The following SH3BP4 variants were observed in gnomAD, a reference collection of about 807,000 sequenced individuals.
SH3BP4 encodes SH3 domain binding protein 4.
A neutral mutation model predicts 65.5 loss-of-function variants in SH3BP4; 33 were observed. That is an observed-to-expected ratio of 0.50 (90% CI 0.38 to 0.67). SH3BP4 has a LOEUF of 0.67. Among genes scored for constraint, SH3BP4 ranks in the 30% least tolerant of loss-of-function variants. The pLI, the probability that SH3BP4 is intolerant of heterozygous loss-of-function variation, is 0.00. For synonymous variants in SH3BP4, 552 were observed against 545.5 expected (o/e 1.01, Z -0.17); for missense variants, 1,134 against 1,261.4 (o/e 0.90, Z 1.53).
At chr2:235,000,556 C>G (rs4663535) in intron 2 of SH3BP4, among the ~76,000 whole-genome samples, 82,772 of 151,984 alleles carry the variant, frequency 0.54, 25,515 homozygotes, top group African/African-American at 0.83. Context: ...GGATCTTGGG[C>G]TCGGGCTCTG....
intron 2 of SH3BP4, among the ~76,000 whole-genome samples, chr2:235,021,093 T>A (rs968595621): frequency 6.6e-6 from 1 of 152,172 alleles, no homozygotes; most frequent in African/African-American, 2.4e-5. Flanking sequence ...CCCACAAAGC[T>A]TAATTTACTC....
At chr2:234,972,891 A>AAG (rs1338278274) in intron 1 of SH3BP4, among the ~76,000 whole-genome samples, 1 of 152,118 alleles carries the variant, frequency 6.6e-6, no homozygotes, top group East Asian at 1.9e-4. Context: ...AGCCACCTTT[A>AAG]CCTTTGCAGA....
chr2:235,022,046 A>G (rs1694859270), intron 2 of SH3BP4, among the ~76,000 whole-genome samples: 1 of 152,204 alleles, frequency 6.6e-6, no homozygotes, highest in Non-Finnish European at 1.5e-5. Flanking sequence ...TGTTTATTGA[A>G]TTTGTCATCA....
At position 235,041,869 on chromosome 2, in the gene SH3BP4, A is replaced by G. The variant is rs1193931170; in HGVS notation, c.1100A>G (p.Asn367Ser). Residue 367 changes from asparagine to serine, a missense_variant, in exon 4 of 6, where the codon AAC becomes AGC. Asn to Ser is a conservative substitution (Grantham distance 46). Coordinates refer to ENST00000392011, the MANE Select transcript of SH3BP4 (RefSeq NM_014521.3). This position sits in a 1 kb window ranked among gnomAD's most constrained non-coding sequence, Gnocchi z 6.0. ...CTGCTGGACCCCCCGCTGGAGCTCA[A>G]CAGTGACAGGTCCTGCAGCATCAGC... ...KALLDPPLEL[N>S]SDRSCSISPV... 6.2e-7 allele frequency: 1 copy of G among 1,611,322 alleles called. No individual in the cohort carries two copies. Among genetic ancestry groups the G allele is most frequent in the African/African-American group, 1.3e-5 (1 of 74,988 alleles).
Position 235,034,265 on chromosome 2 carries a change from A to T in SH3BP4, c.-132-606A>T, listed in dbSNP as rs1387841052. 6.6e-6 allele frequency among the ~76,000 whole-genome samples: 1 copy of T among 152,192 alleles called. No individual in the cohort carries two copies. The highest frequency in any genetic ancestry group is 1.5e-5 in the Non-Finnish European group (1 of 68,026). ...GGTTCAGTAAATATGCCCTGGTTTCATCTGCATACGTTGCATTGAGAATAC... is the reference window on the plus strand; with the variant it reads ...GGTTCAGTAAATATGCCCTGGTTTCTTCTGCATACGTTGCATTGAGAATAC... On this transcript the variant is annotated intron_variant, in intron 2 of 5. Coordinates refer to ENST00000392011, the MANE Select transcript of SH3BP4 (RefSeq NM_014521.3). The surrounding 1 kb of genome is among the most constrained non-coding windows in gnomAD (Gnocchi z 6.2).
chr2:235,005,102 C>G (rs1014124216), intron 2 of SH3BP4, among the ~76,000 whole-genome samples: 5 of 152,232 alleles, frequency 3.3e-5, no homozygotes, highest in South Asian at 2.1e-4. Flanking sequence ...CGAGGAAGCA[C>G]TGCTTGTGGA....
At position 235,054,910 on chromosome 2, in the gene SH3BP4, C is replaced by T. The variant is rs1177538131; in HGVS notation, c.*1094C>T. 1 of 152,222 alleles carries T rather than the reference C, an allele frequency of 6.6e-6. No homozygotes were observed. Among genetic ancestry groups the T allele is most frequent in the African/African-American group, 2.4e-5 (1 of 41,470 alleles). 9.4% of individuals were successfully genotyped at this position (152,222 alleles called of 1,614,324 possible). ...TTTCATCTAAGGCTTAACCCCTCTT[C>T]CTTCCTGGTGTACCTGTGTCTCCTC... is the stretch of plus-strand genomic sequence containing the variant. On this transcript the variant is annotated 3_prime_UTR_variant, in exon 6 of 6. Coordinates refer to ENST00000392011, the MANE Select transcript of SH3BP4 (RefSeq NM_014521.3).
At chr2:235,049,437 C>T (rs949334533) in intron 4 of SH3BP4, among the ~76,000 whole-genome samples, 7 of 152,146 alleles carry the variant, frequency 4.6e-5, no homozygotes, top group South Asian at 2.1e-4. Flanking sequence ...TGAGTAGCCA[C>T]GAAAGAGCTG....
At chr2:234,980,574 T>G (rs1349710624) in intron 1 of SH3BP4, among the ~76,000 whole-genome samples, 1 of 152,190 alleles carries the variant, frequency 6.6e-6, no homozygotes, top group Non-Finnish European at 1.5e-5. Context: ...ACACTTGCTG[T>G]GAAGGTCTTT....
rs988567547 is a variant in SH3BP4 at position 234,997,203 on chromosome 2, A to G, written c.-133+1827A>G. Among the ~76,000 whole-genome samples, 2 of 152,156 alleles carry G rather than the reference A, an allele frequency of 1.3e-5. No individual in the cohort carries two copies. Among genetic ancestry groups the G allele is most frequent in the Non-Finnish European group, 2.9e-5 (2 of 68,020 alleles). ...TTAGAGACCATCCACAGGCCACCAC[A>G]CTTTAAGCTGATTTTCGTTTTGCCT... On this transcript the variant is annotated intron_variant, in intron 2 of 5. Transcript: ENST00000392011. This position sits in a 1 kb window ranked among gnomAD's most constrained non-coding sequence, Gnocchi z 4.2.
chr2:235,024,802 AT>A (rs901038252), intron 2 of SH3BP4, among the ~76,000 whole-genome samples: 1 of 151,794 alleles, frequency 6.6e-6, no homozygotes, highest in African/African-American at 2.4e-5. Context: ...ATAACAGTTG[AT>A]TTTTTTTTAA....
chr2:234,962,481 T>C (rs539836006), intron 1 of SH3BP4, among the ~76,000 whole-genome samples: 1 of 152,194 alleles, frequency 6.6e-6, no homozygotes, highest in Non-Finnish European at 1.5e-5. Context: ...CCTTTTCTGC[T>C]TATGTATTTT....
chr2:235,049,095 A>T (rs1695966146), intron 4 of SH3BP4, among the ~76,000 whole-genome samples: 2 of 152,116 alleles, frequency 1.3e-5, no homozygotes, highest in Non-Finnish European at 2.9e-5. Context: ...GGCTCAGTAA[A>T]AGTTGTGTAA....
Position 234,997,201 on chromosome 2 carries a change from A to G in SH3BP4, c.-133+1825A>G, listed in dbSNP as rs10929076. ...AGTTAGAGACCATCCACAGGCCACC[A>G]CACTTTAAGCTGATTTTCGTTTTGC... is the stretch of plus-strand genomic sequence containing the variant. On this transcript the variant is annotated intron_variant, in intron 2 of 5. Transcript: ENST00000392011. The surrounding 1 kb of genome is among the most constrained non-coding windows in gnomAD (Gnocchi z 4.2). 0.49 allele frequency among the ~76,000 whole-genome samples: 74,205 copies of G among 151,998 alleles called. 20,780 individuals carry two copies. Among genetic ancestry groups the G allele is most frequent in the East Asian group, 0.76 (3,907 of 5,130 alleles).
In SH3BP4 at chr2:234,993,196, G is replaced by A. The variant is rs561791014; in HGVS notation, c.-206-2107G>A. On this transcript the variant is annotated intron_variant, in intron 1 of 5. Transcript: ENST00000392011. ...GAGCCCCGGGGGTCGGTTTCTCGAAGCCCCCGTCAGAGCTGATGTTCGGGC... is the reference window on the plus strand; with the variant it reads ...GAGCCCCGGGGGTCGGTTTCTCGAAACCCCCGTCAGAGCTGATGTTCGGGC... Among the ~76,000 whole-genome samples, 6 of 152,308 alleles carry A rather than the reference G, an allele frequency of 3.9e-5. No individual in the cohort carries two copies. In the East Asian group the frequency reaches 1.2e-3, roughly 29 times the overall value.
rs1448863374 is a variant in SH3BP4, at chr2:235,041,826, C to G, written c.1057C>G (p.Gln353Glu). ...EGHVAPGETQ[Q>E]ISMKALLDPP... ...CCACGTCGCCCCTGGGGAGACCCAGCAGATCTCCATGAAAGCCCTGCTGGA... is the reference window on the plus strand; with the variant it reads ...CCACGTCGCCCCTGGGGAGACCCAGGAGATCTCCATGAAAGCCCTGCTGGA... Residue 353 changes from glutamine (Q) to glutamate (E), a missense_variant, in exon 4 of 6, where the codon CAG (glutamine) becomes GAG (glutamate). Transcript: ENST00000392011. This position sits in a 1 kb window ranked among gnomAD's most constrained non-coding sequence, Gnocchi z 6.0. 6.3e-7 allele frequency: 1 copy of G among 1,599,488 alleles called. No individual in the cohort carries two copies.
At chr2:235,013,008 C>T (rs779838077) in intron 2 of SH3BP4, among the ~76,000 whole-genome samples, 1 of 152,230 alleles carries the variant, frequency 6.6e-6, no homozygotes, top group Non-Finnish European at 1.5e-5. Context: ...GGTGACACAG[C>T]TTTTCTCCCA....
chr2:235,035,143 T>G lies in SH3BP4; in HGVS notation c.118+23T>G. 2.6e-6 allele frequency: 4 copies of G among 1,550,718 alleles called. No individual in the cohort carries two copies. Among genetic ancestry groups the G allele is most frequent in the Non-Finnish European group, 3.6e-6 (4 of 1,122,176 alleles). On this transcript the variant is annotated intron_variant, in intron 3 of 5. Transcript: ENST00000392011. The surrounding 1 kb of genome is among the most constrained non-coding windows in gnomAD (Gnocchi z 5.0). ...AAGGTGAGCTTCTGGGGAACAGGAC[T>G]GTGGCTAAGGGAGAACGTTGGGATT... is the stretch of plus-strand genomic sequence containing the variant.
chr2:234,983,128 G>C (rs2106259089), intron 1 of SH3BP4: 1 of 152,404 alleles, frequency 6.6e-6, no homozygotes, highest in Non-Finnish European at 1.5e-5. Context: ...AAGTGAGCAG[G>C]ACAGGTGGGT....
Sources: gnomAD v4.1 joint callset for allele counts (sites outside exome capture counted in the v4.1 genomes callset) on GRCh38, gnomAD v4.1.1 for gene constraint, Gnocchi (gnomAD v3.1) non-coding constraint, MANE v1.5 for transcripts, NCBI Gene and HGNC (gene_info 2026-07-23, HGNC 2026-07-21) for gene names.